The following LVRN variants were observed in gnomAD, a reference collection of about 807,000 sequenced individuals.
The protein encoded by LVRN is aminopeptidase Q.
In LVRN, 99 loss-of-function variants were observed where a neutral mutation model predicts 111.4. That is an observed-to-expected ratio of 0.89 (90% CI 0.76 to 1.05). The LOEUF is 1.05. Among genes scored for constraint, LVRN ranks in the 50% least tolerant of loss-of-function variants. LVRN has a pLI of 0.00. For synonymous variants in LVRN, 488 were observed against 449.5 expected (o/e 1.09, Z -1.08); for missense variants, 1,414 against 1,206.8 (o/e 1.17, Z -2.54).
rs1421602169 is a variant in LVRN at position 116,012,356 on chromosome 5, T to G, written c.2248-18T>G. The G allele has an allele frequency of 7.5e-7, 1 of 1,334,122 alleles. No homozygotes were observed. Among genetic ancestry groups the G allele is most frequent in the African/African-American group, 1.5e-5 (1 of 67,846 alleles). 82.6% of individuals were successfully genotyped at this position (1,334,122 alleles called of 1,614,324 possible). On this transcript the variant is annotated intron_variant, in intron 14 of 19. Coordinates refer to ENST00000357872, the MANE Select transcript of LVRN (RefSeq NM_173800.5). ...TTGCAAGCCAGAACTAACAGTGTAT[T>G]TTCTTTATTGTTTATAGAGGTACCT...
chr5:115,998,893 T>G (rs938083980), intron 6 of LVRN, among the ~76,000 whole-genome samples: 10 of 152,140 alleles, frequency 6.6e-5, no homozygotes, highest in African/African-American at 9.7e-5. Context: ...AAAAATAATG[T>G]GCTAATAGAA....
intron 1 of LVRN, among the ~76,000 whole-genome samples, chr5:115,965,317 G>A (rs1753179602): frequency 6.6e-6 from 1 of 152,108 alleles, no homozygotes; most frequent in Admixed American, 6.5e-5. Context: ...TTGCTTAATG[G>A]GTATAGATTT....
chr5:115,994,462 G>A (rs187170803), intron 6 of LVRN, among the ~76,000 whole-genome samples: 91 of 152,168 alleles, frequency 6.0e-4, no homozygotes, highest in Non-Finnish European at 7.6e-4. Flanking sequence ...TTGTAGAGAC[G>A]GGGTTTCGCC....
At chr5:116,020,740 C>T (rs1407261792) in intron 18 of LVRN, among the ~76,000 whole-genome samples, 5 of 152,074 alleles carry the variant, frequency 3.3e-5, no homozygotes, top group African/African-American at 1.2e-4. Flanking sequence ...ATGCTGGCCT[C>T]GTGGGCATCC....
intron 18 of LVRN, chr5:116,021,599 G>T (rs1315894788): frequency 9.6e-6 from 3 of 312,444 alleles, no homozygotes; most frequent in Non-Finnish European, 1.9e-5. Flanking sequence ...TTAATTTCAA[G>T]TACATATTTT....
At chr5:116,018,262 C>G (rs76498607) in intron 18 of LVRN, among the ~76,000 whole-genome samples, 2,710 of 152,246 alleles carry the variant, frequency 0.018, 86 homozygotes, top group African/African-American at 0.062. Flanking sequence ...TATCCCCTGG[C>G]TCTGATTCCC....
chr5:116,000,806 G>A (rs1460992509), intron 9 of LVRN, 148 bp downstream of exon 9: 6 of 873,496 alleles, frequency 6.9e-6, no homozygotes, highest in African/African-American at 6.8e-5. Flanking sequence ...AGTGTCTTTA[G>A]TCTTCACTAT....
rs374135492 is a variant in LVRN, at chr5:116,027,524, G to T, written c.*1406G>T. The T allele has an allele frequency of 1.3e-5, 2 of 152,170 alleles. No homozygotes were observed. The highest frequency in any genetic ancestry group is 2.9e-5 in the Non-Finnish European group (2 of 68,030). The allele number at this position is 152,170 out of a possible 1,614,324, so 9.4% of individuals were successfully genotyped here. ...CGAAAGCACAGGCTACTCAGACTTG[G>T]CCACAGGTCATAGGTCAGAGAATTT... On this transcript the variant is annotated 3_prime_UTR_variant, in exon 20 of 20. Coordinates refer to ENST00000357872, the MANE Select transcript of LVRN (RefSeq NM_173800.5).
intron 14 of LVRN, among the ~76,000 whole-genome samples, chr5:116,011,133 C>G (rs1234038412): frequency 1.4e-5 from 2 of 142,956 alleles, no homozygotes; most frequent in Admixed American, 7.3e-5. Flanking sequence ...GTACTTCATT[C>G]TTGGTGAAGT....
chr5:116,004,618 GA>G (rs1047771109), intron 12 of LVRN, among the ~76,000 whole-genome samples: 13 of 151,928 alleles, frequency 8.6e-5, no homozygotes, highest in Admixed American at 5.9e-4. Flanking sequence ...AGAATATGGG[GA>G]AAAAAAACCC....
chr5:116,005,435 A>G (rs925740465), intron 12 of LVRN, among the ~76,000 whole-genome samples: 3 of 152,250 alleles, frequency 2.0e-5, no homozygotes, highest in African/African-American at 7.2e-5. Context: ...TGTTGGTGGC[A>G]TTCTGTCACG....
intron 1 of LVRN, among the ~76,000 whole-genome samples, chr5:115,979,513 C>T (rs1753518707): frequency 6.6e-6 from 1 of 152,146 alleles, no homozygotes; most frequent in South Asian, 2.1e-4. Context: ...TTCTGGGGCC[C>T]TCATGTAGCT....
At chr5:116,018,683 A>G (rs1561570538) in intron 18 of LVRN, among the ~76,000 whole-genome samples, 2 of 152,032 alleles carry the variant, frequency 1.3e-5, no homozygotes, top group African/African-American at 4.8e-5. Context: ...TCTCCAAAAA[A>G]GAAAGATATG....
chr5:116,019,676 C>A (rs1157397419), intron 18 of LVRN, among the ~76,000 whole-genome samples: 1 of 152,142 alleles, frequency 6.6e-6, no homozygotes, highest in African/African-American at 2.4e-5. Flanking sequence ...TTGGTCTTGG[C>A]TGTGGGAGCC....
intron 14 of LVRN, 41 bp from the exon 15 acceptor site, chr5:116,012,333 G>T: frequency 9.0e-7 from 1 of 1,114,596 alleles, no homozygotes; most frequent in Non-Finnish European, 1.3e-6. Flanking sequence ...TTCAGTGTTT[G>T]CAAGCCAGAA....
In LVRN at chr5:115,996,349, CT is replaced by C. The variant is rs535163915; in HGVS notation, c.1374+2500del. On this transcript the variant is annotated intron_variant, in intron 6 of 19. Coordinates refer to ENST00000357872, the MANE Select transcript of LVRN (RefSeq NM_173800.5). ...GAAGCTAAGATTACAACGTTAGTCT[CT>C]TTTTGTACCTTTTAATTATTTCTTT... is the stretch of plus-strand genomic sequence containing the variant. Among the ~76,000 whole-genome samples the C allele has an allele frequency of 5.6e-4, 86 of 152,264 alleles. 2 individuals carry two copies. In the South Asian group the frequency reaches 0.016, roughly 29 times the overall value.
chr5:116,003,852 A>G (rs1748297967), intron 12 of LVRN, among the ~76,000 whole-genome samples: 1 of 152,096 alleles, frequency 6.6e-6, no homozygotes. Flanking sequence ...AAGTGCTGGG[A>G]TTACAGGCGT....
At position 116,012,342 on chromosome 5, in the gene LVRN, A is replaced by G. The variant is rs749094731; in HGVS notation, c.2248-32A>G. The G allele has an allele frequency of 6.3e-5, 76 of 1,200,776 alleles. No individual in the cohort carries two copies. In the Middle Eastern group the frequency reaches 9.5e-4, roughly 15 times the overall value. The allele number at this position is 1,200,776 out of a possible 1,614,324, so 74.4% of individuals were successfully genotyped here. On this transcript the variant is annotated intron_variant, in intron 14 of 19. Transcript: ENST00000357872. ...TGAAAATTCAGTGTTTGCAAGCCAG[A>G]ACTAACAGTGTATTTTCTTTATTGT...
At chr5:115,993,066 C>T (rs1748029117) in intron 5 of LVRN, among the ~76,000 whole-genome samples, 2 of 152,294 alleles carry the variant, frequency 1.3e-5, no homozygotes, top group Non-Finnish European at 2.9e-5. Context: ...GCCTAAGTTA[C>T]ACATTGTTTT....
Sources: gnomAD v4.1 joint callset for allele counts (sites outside exome capture counted in the v4.1 genomes callset) on GRCh38, gnomAD v4.1.1 for gene constraint, MANE v1.5 for transcripts, NCBI Gene and HGNC (gene_info 2026-07-23, HGNC 2026-07-21) for gene names.